The following RFT1 variants were observed in gnomAD, a reference collection of about 807,000 sequenced individuals.
RFT1 encodes man(5)GlcNAc(2)-PP-dolichol translocation protein RFT1.
Under a neutral mutation model 62.2 loss-of-function variants are expected in RFT1, and 43 were observed. The observed-to-expected ratio is 0.69, with a 90% CI of 0.54 to 0.89. The LOEUF is 0.89. Among genes scored for constraint, RFT1 ranks in the 40% least tolerant of loss-of-function variants. The pLI, the probability that RFT1 is intolerant of heterozygous loss-of-function variation, is 0.00. For missense variants in RFT1, 605 were observed against 649.9 expected, an observed-to-expected ratio of 0.93 and a Z score of 0.75; for synonymous variants, 262 against 264.6, an observed-to-expected ratio of 0.99 and a Z score of 0.10.
intron 1 of RFT1, among the ~76,000 whole-genome samples, chr3:53,126,331 G>A (rs1400755064): frequency 6.6e-6 from 1 of 152,196 alleles, no homozygotes; most frequent in Non-Finnish European, 1.5e-5. Context: ...TCTAGTTAGT[G>A]GTTCACCTTG....
chr3:53,098,597 T>G (rs978846507), intron 11 of RFT1, among the ~76,000 whole-genome samples: 3 of 151,868 alleles, frequency 2.0e-5, no homozygotes, highest in Non-Finnish European at 4.4e-5. Flanking sequence ...GGTCAGGAGA[T>G]CGAGACCAAC....
chr3:53,128,282 A>C (rs1033721819), intron 1 of RFT1, among the ~76,000 whole-genome samples: 4 of 152,164 alleles, frequency 2.6e-5, no homozygotes, highest in Non-Finnish European at 5.9e-5. Context: ...TGAGCAACAG[A>C]GTGAGACTCC....
intron 11 of RFT1, among the ~76,000 whole-genome samples, chr3:53,096,135 C>A (rs189588129): frequency 6.6e-6 from 1 of 152,206 alleles, no homozygotes; most frequent in Non-Finnish European, 1.5e-5. Context: ...CAGCACATCA[C>A]ATTTTCTTAT....
intron 8 of RFT1, 41 bp from the exon 9 acceptor site, chr3:53,105,844 T>A: frequency 6.3e-7 from 1 of 1,580,304 alleles, no homozygotes; most frequent in African/African-American, 1.4e-5. Flanking sequence ...ATGTTGGTTT[T>A]TCTATTTTAA....
intron 8 of RFT1, among the ~76,000 whole-genome samples, chr3:53,106,029 T>C (rs931975871): frequency 8.6e-5 from 13 of 151,432 alleles, no homozygotes; most frequent in Non-Finnish European, 1.8e-4. Context: ...GCCAGGGAGT[T>C]TGAGATGAGC....
At chr3:53,080,256 ATG>A in the RFT1 span, among the ~76,000 whole-genome samples, 1 of 152,156 alleles carries the variant, frequency 6.6e-6, no homozygotes, top group African/African-American at 2.4e-5. Context: ...GGTGTGCGGA[ATG>A]TGTGTCTGAA....
chr3:53,104,404 T>C (rs1701406268), intron 9 of RFT1, among the ~76,000 whole-genome samples: 1 of 151,270 alleles, frequency 6.6e-6, no homozygotes, highest in African/African-American at 2.4e-5. Flanking sequence ...TTTTTTTAAA[T>C]AGAAATAGAG....
rs149313245 is a variant in RFT1 at position 53,124,438 on chromosome 3, T to C, written c.150-598A>G. On this transcript the variant is annotated intron_variant, in intron 2 of 12. Transcript: ENST00000296292. ...GACAGCCGTCTGGGTGAAGCCAGAGTAGGGACAGCCCAGGGTTAAGGTCTC... is the reference window on the plus strand; with the variant it reads ...GACAGCCGTCTGGGTGAAGCCAGAGCAGGGACAGCCCAGGGTTAAGGTCTC... Among the ~76,000 whole-genome samples, 318 of 152,098 alleles carry C rather than the reference T, an allele frequency of 2.1e-3. 2 individuals are homozygous for C. Among genetic ancestry groups the C allele is most frequent in the African/African-American group, 7.4e-3 (308 of 41,498 alleles).
At chr3:53,130,063 A>C (rs1184792321) in intron 1 of RFT1, among the ~76,000 whole-genome samples, 1 of 152,176 alleles carries the variant, frequency 6.6e-6, no homozygotes, top group East Asian at 1.9e-4. Flanking sequence ...CACCTGATCT[A>C]ATTCACTCCT....
In RFT1 at chr3:53,123,820, G is replaced by A; in HGVS notation, c.170C>T (p.Thr57Ile). The change falls in exon 3 of 13, where the codon ACC becomes ATC. Residue 57 changes from threonine (T) to isoleucine (I), a missense_variant. By Grantham distance (89) the Thr-to-Ile change is moderately conservative. Coordinates refer to ENST00000296292, the MANE Select transcript of RFT1 (RefSeq NM_052859.4). ...GGCCTCTCTGGCCAGGAAGAGGGTG[G>A]TTGAGTAAAGCAGCGTTAGTCTGTA... ...VNVRLTLLYS[T>I]TLFLAREAFR... 6.2e-7 allele frequency: 1 copy of A among 1,614,114 alleles called. No individual in the cohort carries two copies. Among genetic ancestry groups the A allele is most frequent in the Non-Finnish European group, 8.5e-7 (1 of 1,179,940 alleles).
At position 53,125,948 on chromosome 3, in the gene RFT1, CGAA is replaced by C; in HGVS notation, c.107_109del (p.Leu36del). The C allele has an allele frequency of 6.2e-7, 1 of 1,613,560 alleles. No individual in the cohort carries two copies. Reference sequence around the variant, plus strand: ...GCCAACGATTTCCTTTGACAGGAAGCGAAGAATAAATGCATTCAAGACAAAGGT... The same window carrying C: ...GCCAACGATTTCCTTTGACAGGAAGCGAATAAATGCATTCAAGACAAAGGT... On this transcript the variant is annotated inframe_deletion, in exon 2 of 13. Transcript: ENST00000296292.
chr3:53,097,121 T>C (rs975862557), intron 11 of RFT1, among the ~76,000 whole-genome samples: 3 of 152,194 alleles, frequency 2.0e-5, no homozygotes, highest in African/African-American at 7.2e-5. Context: ...TTTTTTCTAT[T>C]CAGAATCTGA....
chr3:53,103,122 C>T (rs1352417381), intron 10 of RFT1: 1 of 985,284 alleles, frequency 1.0e-6, no homozygotes, highest in African/African-American at 1.7e-5. Flanking sequence ...GAAACCTGGC[C>T]CTTCCTCCCC....
chr3:53,070,393 GTTTTTTTTTTT>G, the RFT1 span, among the ~76,000 whole-genome samples: 1 of 85,448 alleles, frequency 1.2e-5, no homozygotes, highest in African/African-American at 4.6e-5. Context: ...CTGTATTATG[GTTTTTTTTTTT>G]TTTTTTTTTT....
At chr3:53,082,510 A>G in the RFT1 span, among the ~76,000 whole-genome samples, 1 of 151,892 alleles carries the variant, frequency 6.6e-6, no homozygotes, top group Non-Finnish European at 1.5e-5. Context: ...CAATAATGAT[A>G]ATAATAATAA....
In RFT1 at chr3:53,116,297, T is replaced by C. The variant is rs1426050228; in HGVS notation, c.696+3587A>G. On this transcript the variant is annotated intron_variant, in intron 6 of 12. Coordinates refer to ENST00000296292, the MANE Select transcript of RFT1 (RefSeq NM_052859.4). Reference sequence around the variant, plus strand: ...ATTCAGAATCATCTCATTTCTTTTTTTTTTTTTTTTTTTTGAGACAGGGTT... The same window carrying C: ...ATTCAGAATCATCTCATTTCTTTTTCTTTTTTTTTTTTTTGAGACAGGGTT... Among the ~76,000 whole-genome samples the C allele has an allele frequency of 2.7e-5, 4 of 149,864 alleles. No individual in the cohort carries two copies. In the South Asian group the frequency reaches 8.4e-4, roughly 32 times the overall value.
intron 10 of RFT1, among the ~76,000 whole-genome samples, chr3:53,101,018 G>A (rs972700742): frequency 1.2e-4 from 18 of 151,978 alleles, no homozygotes; most frequent in Admixed American, 7.2e-4. Flanking sequence ...CTGAAGTTCC[G>A]GAGTCTCAGA....
the RFT1 span, among the ~76,000 whole-genome samples, chr3:53,080,189 T>C: frequency 8.8e-4 from 134 of 152,368 alleles, 3 homozygotes; most frequent in East Asian, 0.025. Context: ...AGGCAATTTC[T>C]GAAATTGGTG....
downstream of RFT1, among the ~76,000 whole-genome samples, chr3:53,084,253 A>C (rs1381794623): frequency 6.6e-6 from 1 of 152,246 alleles, no homozygotes; most frequent in Non-Finnish European, 1.5e-5. Flanking sequence ...GTGGTGGACA[A>C]CAAAAGCCTT....
Sources: allele counts gnomAD v4.1 joint callset (sites outside exome capture counted in the v4.1 genomes callset), GRCh38; gene constraint gnomAD v4.1.1; transcripts MANE v1.5; gene names NCBI Gene and HGNC (gene_info 2026-07-23, HGNC 2026-07-21).